ATP9B: variants seen among roughly 807,000 people sequenced by gnomAD.
The protein encoded by ATP9B is probable phospholipid-transporting ATPase IIB.
ATP9B carries 110 observed loss-of-function variants against 146.1 expected under a neutral mutation model. The ratio of observed to expected loss-of-function variants is 0.75; its 90% CI spans 0.65 to 0.88. The LOEUF is 0.88. Among genes scored for constraint, ATP9B ranks in the 40% least tolerant of loss-of-function variants. The probability of loss-of-function intolerance (pLI) is 0.00; values close to 1 mark genes in which losing one functional copy is unlikely to be tolerated. For synonymous variants in ATP9B, 604 were observed against 569.7 expected (o/e 1.06, Z -0.86); for missense variants, 1,499 against 1,496.4 (o/e 1.00, Z -0.03).
chr18:79,157,415 A>ACAAAAAAAAAC (rs1245111686), intron 7 of ATP9B, among the ~76,000 whole-genome samples: 1 of 149,828 alleles, frequency 6.7e-6, no homozygotes, highest in Non-Finnish European at 1.5e-5. Flanking sequence ...AAAAAAAAAA[A>ACAAAAAAAAAC]AAAAAAAAAC....
chr18:79,328,197 C>T (rs1050035195), intron 15 of ATP9B, among the ~76,000 whole-genome samples: 38 of 151,976 alleles, frequency 2.5e-4, no homozygotes, highest in Non-Finnish European at 4.4e-4. Flanking sequence ...GTGTGTTCTC[C>T]GTGGTTAGCA....
intron 15 of ATP9B, among the ~76,000 whole-genome samples, chr18:79,328,090 G>C (rs200523147): frequency 1.9e-3 from 256 of 136,388 alleles, no homozygotes; most frequent in Middle Eastern, 0.013. Flanking sequence ...CGTGCTCTCT[G>C]TGGTTAGCGT....
chr18:79,297,920 AT>A (rs1386901381), intron 13 of ATP9B, among the ~76,000 whole-genome samples: 1 of 147,082 alleles, frequency 6.8e-6, no homozygotes, highest in African/African-American at 2.5e-5. Context: ...TGTAGCCCTC[AT>A]TCATGCTTTA....
At chr18:79,162,510 G>T (rs1421394536) in intron 7 of ATP9B, among the ~76,000 whole-genome samples, 2 of 152,074 alleles carry the variant, frequency 1.3e-5, no homozygotes, top group East Asian at 3.8e-4. Flanking sequence ...TTTTTCACTT[G>T]TCTCCTAAGT....
intron 11 of ATP9B, among the ~76,000 whole-genome samples, chr18:79,252,407 T>C (rs1487652271): frequency 7.1e-6 from 1 of 140,010 alleles, no homozygotes; most frequent in Non-Finnish European, 1.5e-5. Flanking sequence ...TCTCCCACCC[T>C]TCCTGCAGCG....
chr18:79,209,951 T>C (rs2095568689), intron 10 of ATP9B, among the ~76,000 whole-genome samples: 1 of 152,198 alleles, frequency 6.6e-6, no homozygotes, highest in African/African-American at 2.4e-5. Flanking sequence ...GAATTCCTTT[T>C]ACTCTTATAC....
At chr18:79,072,460 G>C (rs1267315716) in intron 1 of ATP9B, among the ~76,000 whole-genome samples, 5 of 152,242 alleles carry the variant, frequency 3.3e-5, no homozygotes, top group African/African-American at 1.2e-4. Flanking sequence ...GAGAGCACGG[G>C]GTTGGGGGTA....
intron 6 of ATP9B, among the ~76,000 whole-genome samples, chr18:79,147,379 A>G (rs1460318670): frequency 1.3e-5 from 2 of 152,256 alleles, no homozygotes; most frequent in African/African-American, 4.8e-5. Context: ...ACCTGTCAGT[A>G]GGAGAGAACA....
At chr18:79,210,499 G>T (rs2095574474) in intron 10 of ATP9B, among the ~76,000 whole-genome samples, 1 of 152,184 alleles carries the variant, frequency 6.6e-6, no homozygotes, top group Admixed American at 6.5e-5. Context: ...TCTGTGTCCT[G>T]GCTGTGTGGA....
chr18:79,234,816 A>G (rs978988470), intron 11 of ATP9B, among the ~76,000 whole-genome samples: 30 of 152,168 alleles, frequency 2.0e-4, no homozygotes, highest in African/African-American at 7.0e-4. Flanking sequence ...AGCTCTATGT[A>G]TAAGATTTCC....
At chr18:79,315,871 C>G (rs2096676816) in intron 15 of ATP9B, among the ~76,000 whole-genome samples, 1 of 152,176 alleles carries the variant, frequency 6.6e-6, no homozygotes, top group South Asian at 2.1e-4. Flanking sequence ...TTCCCACTTA[C>G]ATATATTTTT....
intron 1 of ATP9B, among the ~76,000 whole-genome samples, chr18:79,090,417 A>G (rs896735655): frequency 4.6e-5 from 7 of 152,312 alleles, no homozygotes; most frequent in Middle Eastern, 3.4e-3. Context: ...CCTTTTGTCT[A>G]CATCCTTGCC....
intron 12 of ATP9B, 66 bp from the exon 13 acceptor site, chr18:79,276,988 G>A: frequency 6.4e-7 from 1 of 1,562,992 alleles, no homozygotes; most frequent in Non-Finnish European, 8.8e-7. Flanking sequence ...TTATCTGGCA[G>A]TTTGGGTGTG....
At chr18:79,338,672 T>C (rs905160025) in intron 19 of ATP9B, among the ~76,000 whole-genome samples, 2 of 152,226 alleles carry the variant, frequency 1.3e-5, no homozygotes, top group African/African-American at 4.8e-5. Context: ...CTTACTGATG[T>C]GTCCTCTTCC....
At chr18:79,128,076 T>G (rs2147212928) in intron 5 of ATP9B, among the ~76,000 whole-genome samples, 1 of 147,754 alleles carries the variant, frequency 6.8e-6, no homozygotes, top group South Asian at 2.2e-4. Flanking sequence ...TTTTTTTTTT[T>G]TGAGACGGAG....
At chr18:79,151,066 A>AT (rs2094682183) in intron 6 of ATP9B, among the ~76,000 whole-genome samples, 1 of 152,200 alleles carries the variant, frequency 6.6e-6, no homozygotes, top group African/African-American at 2.4e-5. Flanking sequence ...ATCCCAGTTG[A>AT]TGTCTTTGCA....
At chr18:79,308,148 C>T (rs2096629357) in intron 15 of ATP9B, among the ~76,000 whole-genome samples, 1 of 152,128 alleles carries the variant, frequency 6.6e-6, no homozygotes, top group Admixed American at 6.5e-5. Context: ...ACTTCACACC[C>T]ACCAGGATAA....
At position 79,209,784 on chromosome 18, in the gene ATP9B, T is replaced by C. The variant is rs58455369; in HGVS notation, c.1030+2772T>C. 2.1e-3 allele frequency: 1,237 copies of C among 585,948 alleles called. 26 individuals are homozygous for C. In the African/African-American group the frequency reaches 0.022, roughly 10 times the overall value. The allele number at this position is 585,948 out of a possible 1,614,324, so 36.3% of individuals were successfully genotyped here. On this transcript the variant is annotated intron_variant, in intron 10 of 29. Transcript: ENST00000426216. ...AATGTAAGCTTTAATTTCAGCTCTT[T>C]TAGTACATACATATCTTTATTTAAA...
chr18:79,136,163 A>C (rs1465735038), intron 5 of ATP9B, among the ~76,000 whole-genome samples: 1 of 152,230 alleles, frequency 6.6e-6, no homozygotes, highest in East Asian at 1.9e-4. Context: ...AATACAACTA[A>C]TACTAGTGTA....
Sources: gnomAD v4.1 joint callset for allele counts (sites outside exome capture counted in the v4.1 genomes callset) on GRCh38, gnomAD v4.1.1 for gene constraint, MANE v1.5 for transcripts, NCBI Gene and HGNC (gene_info 2026-07-23, HGNC 2026-07-21) for gene names.